The following RANBP17 variants were observed in gnomAD, a reference collection of about 807,000 sequenced individuals.
RANBP17 encodes the protein RAN binding protein 17, also known as ran-binding protein 17.
A neutral mutation model predicts 141.2 loss-of-function variants in RANBP17; 158 were observed. The observed-to-expected ratio is 1.12, with a 90% CI of 0.98 to 1.28. The LOEUF (loss-of-function observed/expected upper bound fraction) is 1.28, where lower values mean the gene tolerates loss of function less well. RANBP17 is among the 50% of genes most tolerant of loss of function. The pLI, the probability that RANBP17 is intolerant of heterozygous loss-of-function variation, is 0.00. For synonymous variants in RANBP17, 430 were observed against 450.0 expected (o/e 0.96, Z 0.56); for missense variants, 1,438 against 1,290.7 (o/e 1.11, Z -1.75).
chr5:171,282,705 C>T (rs1561827846), intron 25 of RANBP17, among the ~76,000 whole-genome samples: 1 of 152,066 alleles, frequency 6.6e-6, no homozygotes, highest in African/African-American at 2.4e-5. Flanking sequence ...GTCTTGAACT[C>T]CTGACCTCAG....
chr5:171,066,403 A>T (rs965086761), intron 14 of RANBP17, among the ~76,000 whole-genome samples: 1 of 152,134 alleles, frequency 6.6e-6, no homozygotes, highest in Non-Finnish European at 1.5e-5. Context: ...TTCCACATAT[A>T]AGTTAGATTA....
At chr5:171,190,482 G>T (rs1761553092) in intron 18 of RANBP17, among the ~76,000 whole-genome samples, 1 of 152,058 alleles carries the variant, frequency 6.6e-6, no homozygotes, top group Non-Finnish European at 1.5e-5. Context: ...GGTTTTTTTG[G>T]TGTTCGAAGA....
chr5:171,038,191 T>C lies in RANBP17; in HGVS notation c.1710+69814T>C, dbSNP rs1353570350. 3.7e-3 allele frequency among the ~76,000 whole-genome samples: 551 copies of C among 150,032 alleles called. 4 individuals carry two copies. Among genetic ancestry groups the C allele is most frequent in the African/African-American group, 0.013 (513 of 39,770 alleles). On this transcript the variant is annotated intron_variant, in intron 14 of 27. Transcript: ENST00000523189. The stretch of plus-strand genomic sequence containing the variant: ...GTGTGTGTGTGTGTGTGTGTGTGTG[T>C]GTGTGCACGTGCACAGCAATTATAA...
At position 170,966,950 on chromosome 5, in the gene RANBP17, T is replaced by C. The variant is rs186079424; in HGVS notation, c.1575-1292T>C. On this transcript the variant is annotated intron_variant, in intron 13 of 27. Coordinates refer to ENST00000523189, the MANE Select transcript of RANBP17 (RefSeq NM_022897.5). The stretch of plus-strand genomic sequence containing the variant: ...GAGTGAACTCCCATTCACAATTGCT[T>C]CAAAGATAATAAAATACCTAGGGAT... Among the ~76,000 whole-genome samples, 224 of 152,188 alleles carry C rather than the reference T, an allele frequency of 1.5e-3. 1 individual carries two copies. Among genetic ancestry groups the C allele is most frequent in the African/African-American group, 5.2e-3 (214 of 41,524 alleles).
chr5:170,985,914 T>G (rs1778111331), intron 14 of RANBP17, among the ~76,000 whole-genome samples: 1 of 152,156 alleles, frequency 6.6e-6, no homozygotes, highest in Non-Finnish European at 1.5e-5. Flanking sequence ...TTTTATTTTT[T>G]GCCTTCATTC....
intron 16 of RANBP17, among the ~76,000 whole-genome samples, chr5:171,176,551 C>T (rs1474464497): frequency 6.6e-6 from 1 of 152,118 alleles, no homozygotes; most frequent in Admixed American, 6.5e-5. Context: ...ACACTGATTG[C>T]AAACTTCCTT....
chr5:170,927,248 T>C (rs940919858), intron 12 of RANBP17, among the ~76,000 whole-genome samples: 9 of 152,094 alleles, frequency 5.9e-5, no homozygotes, highest in African/African-American at 2.2e-4. Flanking sequence ...ATTGTTTCCA[T>C]GTATCCTTCA....
intron 20 of RANBP17, among the ~76,000 whole-genome samples, chr5:171,212,615 A>G (rs1337789370): frequency 6.6e-6 from 1 of 152,198 alleles, no homozygotes; most frequent in African/African-American, 2.4e-5. Flanking sequence ...AAGGAAGAAA[A>G]TTGTGATGAC....
At position 171,277,938 on chromosome 5, in the gene RANBP17, C is replaced by CCTTTT. The variant is rs1554127986; in HGVS notation, c.2943+12091_2943+12092insCTTTT. Among the ~76,000 whole-genome samples, 203 of 72,278 alleles carry CCTTTT rather than the reference C, an allele frequency of 2.8e-3. 4 individuals carry two copies. The highest frequency in any genetic ancestry group is 4.9e-3 in the East Asian group (9 of 1,828). 47.4% of individuals were successfully genotyped at this position (72,278 alleles called of 152,430 possible). A position where few individuals can be genotyped will look rare whatever the true frequency, so the allele number is the denominator to read the frequency against. On this transcript the variant is annotated intron_variant, in intron 25 of 27. Coordinates refer to ENST00000523189, the MANE Select transcript of RANBP17 (RefSeq NM_022897.5). ...CAGTCCTTGAGCCTAGGACTTCTTT[C>CCTTTT]TTTTTTTTTTTTTTTTTTTTTTTTT...
intron 14 of RANBP17, among the ~76,000 whole-genome samples, chr5:170,984,200 G>A (rs1463075106): frequency 1.3e-5 from 2 of 152,156 alleles, no homozygotes; most frequent in South Asian, 2.1e-4. Flanking sequence ...GCAAATTCAG[G>A]TCTCTACAGA....
chr5:171,286,372 GT>G (rs35090426), intron 25 of RANBP17, among the ~76,000 whole-genome samples: 1 of 152,008 alleles, frequency 6.6e-6, no homozygotes, highest in African/African-American at 2.4e-5. Context: ...TTGCAGTCTT[GT>G]TTTTTTAAAA....
intron 22 of RANBP17, among the ~76,000 whole-genome samples, chr5:171,222,345 G>A (rs749694201): frequency 2.0e-5 from 3 of 152,156 alleles, no homozygotes; most frequent in Non-Finnish European, 2.9e-5. Context: ...TTAGCAGTTT[G>A]GGCCTTAAAA....
intron 14 of RANBP17, among the ~76,000 whole-genome samples, chr5:171,108,709 G>T (rs574155131): frequency 6.6e-6 from 1 of 152,186 alleles, no homozygotes; most frequent in East Asian, 1.9e-4. Flanking sequence ...ACCACCCCCA[G>T]ATGTTAAAAT....
intron 14 of RANBP17, among the ~76,000 whole-genome samples, chr5:171,125,988 A>G (rs778278796): frequency 9.2e-5 from 14 of 151,978 alleles, no homozygotes; most frequent in Non-Finnish European, 1.5e-4. Flanking sequence ...GAGTTTCACC[A>G]TGTTGGCCAG....
chr5:171,070,853 A>G (rs989364059), intron 14 of RANBP17, among the ~76,000 whole-genome samples: 28 of 152,032 alleles, frequency 1.8e-4, no homozygotes, highest in Admixed American at 1.8e-3. Context: ...TTACACATTT[A>G]GTTTTGCCTT....
At chr5:170,957,694 A>G (rs1309494161) in intron 13 of RANBP17, among the ~76,000 whole-genome samples, 1 of 152,104 alleles carries the variant, frequency 6.6e-6, no homozygotes, top group Non-Finnish European at 1.5e-5. Context: ...GCCCAGCTGT[A>G]TTGTTAAAGT....
chr5:171,094,920 G>GT (rs1360547635), intron 14 of RANBP17, among the ~76,000 whole-genome samples: 2 of 152,118 alleles, frequency 1.3e-5, no homozygotes, highest in African/African-American at 2.4e-5. Flanking sequence ...CAATGCAATA[G>GT]TGTTAGGAGG....
At chr5:171,006,852 C>G (rs1323719121) in intron 14 of RANBP17, among the ~76,000 whole-genome samples, 1 of 151,920 alleles carries the variant, frequency 6.6e-6, no homozygotes, top group East Asian at 1.9e-4. Flanking sequence ...GGGTTTTCGT[C>G]TTTACGTTGG....
chr5:170,986,298 A>G lies in RANBP17; in HGVS notation c.1710+17921A>G, dbSNP rs114061665. On this transcript the variant is annotated intron_variant, in intron 14 of 27. Coordinates refer to ENST00000523189, the MANE Select transcript of RANBP17 (RefSeq NM_022897.5). Reference sequence around the variant, plus strand: ...CAGTACCTGAGTAAAAGCCTTGTTTATAAGTGTCATGAACTAGTGATATAT... The same window carrying G: ...CAGTACCTGAGTAAAAGCCTTGTTTGTAAGTGTCATGAACTAGTGATATAT... Among the ~76,000 whole-genome samples, 937 of 152,178 alleles carry G rather than the reference A, an allele frequency of 6.2e-3. 11 individuals carry two copies. Among genetic ancestry groups the G allele is most frequent in the Middle Eastern group, 0.024 (7 of 294 alleles).
Sources: allele counts gnomAD v4.1 joint callset (sites outside exome capture counted in the v4.1 genomes callset), GRCh38; gene constraint gnomAD v4.1.1; transcripts MANE v1.5; gene names NCBI Gene and HGNC (gene_info 2026-07-23, HGNC 2026-07-21).